The following DNAH12 variants were observed in gnomAD, a reference collection of about 807,000 sequenced individuals.
DNAH12 encodes dynein axonemal heavy chain 12, also known as axonemal beta dynein heavy chain 12.
A neutral mutation model predicts 371.5 loss-of-function variants in DNAH12; 285 were observed. The observed-to-expected ratio is 0.77, with a 90% CI of 0.70 to 0.85. The LOEUF (loss-of-function observed/expected upper bound fraction) is 0.85. DNAH12 is among the 40% of genes least tolerant of loss of function. The pLI, the probability that DNAH12 is intolerant of heterozygous loss-of-function variation, is 0.00. For synonymous variants in DNAH12, 1,200 were observed against 1,213.0 expected (o/e 0.99, Z 0.22); for missense variants, 3,611 against 3,689.4 (o/e 0.98, Z 0.55).
intron 37 of DNAH12, among the ~76,000 whole-genome samples, chr3:57,417,203 T>TTGTGCCGAGCTGAGAC (rs2064405872): frequency 6.6e-6 from 1 of 152,016 alleles, no homozygotes; most frequent in South Asian, 2.1e-4. Flanking sequence ...TGAGCTGAGA[T>TTGTGCCGAGCTGAGAC]TGTGCCATTG....
rs868971454 is a variant in DNAH12, at chr3:57,405,709, G to T, written c.6520C>A (p.His2174Asn). The change falls in exon 41 of 74, where the codon CAT becomes AAT. Residue 2174 changes from histidine to asparagine, a missense_variant. Physicochemically the swap from His to Asn is moderately conservative, Grantham distance 68 (BLOSUM62 1). Around this residue, in one of 3 missense-constraint regions of DNAH12, gnomAD observed 2,266 missense variants for 2,236.9 expected, o/e 1.01. Coordinates refer to ENST00000495027, the MANE Select transcript of DNAH12 (RefSeq NM_001366028.2). ...ATACTGTGAAATGATTCTTTAAAAT[G>T]GTCCTTTATAACAGTTTTAGTTAAC... is the stretch of plus-strand genomic sequence containing the variant. ...FQLTKTVIKDHFKESFHSIFS... is the reference protein window; with the variant it reads ...FQLTKTVIKDNFKESFHSIFS... 5.2e-6 allele frequency: 8 copies of T among 1,551,430 alleles called. No homozygotes were observed. In the African/African-American group the frequency reaches 9.6e-5, roughly 19 times the overall value.
chr3:57,543,315 GTTTTT>G (rs5849214), intron 1 of DNAH12, among the ~76,000 whole-genome samples: 4 of 70,286 alleles, frequency 5.7e-5, no homozygotes, highest in African/African-American at 1.9e-4. Flanking sequence ...ATCATTAATG[GTTTTT>G]TTTTTTTTTT....
chr3:57,433,516 G>GA lies in DNAH12; in HGVS notation c.4840-10dup, dbSNP rs762146564. The GA allele has an allele frequency of 1.1e-5, 17 of 1,538,994 alleles. No individual in the cohort carries two copies. Among genetic ancestry groups the GA allele is most frequent in the Admixed American group, 4.2e-5 (2 of 47,298 alleles). On this transcript the variant is annotated splice_polypyrimidine_tract_variant and intron_variant, in intron 31 of 73. Transcript: ENST00000495027. ...ACAATACCATCAGTCCACTGAGGAG[G>GA]AAAAAAAAGAATTAAAAAGCTCTCC...
intron 60 of DNAH12, among the ~76,000 whole-genome samples, chr3:57,343,393 A>C (rs1374053510): frequency 6.6e-6 from 1 of 152,224 alleles, no homozygotes; most frequent in Non-Finnish European, 1.5e-5. Context: ...ATCAAGGTTT[A>C]AGGGATCCAA....
At chr3:57,484,786 T>A (rs2153384165) in intron 12 of DNAH12, among the ~76,000 whole-genome samples, 1 of 152,232 alleles carries the variant, frequency 6.6e-6, no homozygotes, top group East Asian at 1.9e-4. Context: ...TTGCAAACTC[T>A]GCCTCCAACA....
intron 43 of DNAH12, among the ~76,000 whole-genome samples, chr3:57,395,773 T>C (rs1213102373): frequency 0.8 from 121,840 of 151,502 alleles, 49,220 homozygotes; most frequent in East Asian, 1. Flanking sequence ...AATGAGAGCC[T>C]GTCTCTAAAA....
At chr3:57,460,307 G>A (rs1294222719) in intron 19 of DNAH12, among the ~76,000 whole-genome samples, 1 of 151,894 alleles carries the variant, frequency 6.6e-6, no homozygotes. Flanking sequence ...GAGAAATCCT[G>A]CTCTACTCTA....
intron 58 of DNAH12, among the ~76,000 whole-genome samples, chr3:57,362,231 C>G (rs1015466494): frequency 3.3e-5 from 5 of 152,222 alleles, no homozygotes; most frequent in African/African-American, 4.8e-5. Flanking sequence ...ATTCCATGGT[C>G]TATATGTGCC....
chr3:57,513,587 T>C (rs2068077569), intron 4 of DNAH12, among the ~76,000 whole-genome samples: 1 of 152,190 alleles, frequency 6.6e-6, no homozygotes, highest in East Asian at 1.9e-4. Flanking sequence ...TCACAATTTA[T>C]AAACATTTAG....
intron 72 of DNAH12, 113 bp downstream of exon 72, chr3:57,296,231 T>C: frequency 1.5e-6 from 1 of 656,730 alleles, no homozygotes; most frequent in Non-Finnish European, 2.4e-6. Context: ...GTGAGAGTTC[T>C]GATGTTATTA....
intron 70 of DNAH12, among the ~76,000 whole-genome samples, chr3:57,300,345 A>T (rs914692980): frequency 6.6e-6 from 1 of 152,226 alleles, no homozygotes; most frequent in African/African-American, 2.4e-5. Flanking sequence ...GAAGAGTCCA[A>T]GAGAAAGAAA....
chr3:57,396,842 T>C (rs1207471833), intron 43 of DNAH12, among the ~76,000 whole-genome samples: 4 of 152,144 alleles, frequency 2.6e-5, no homozygotes, highest in East Asian at 1.9e-4. Flanking sequence ...CATGGTGAAA[T>C]CCCGTCTCTA....
chr3:57,382,530 T>C (rs2063415181), intron 49 of DNAH12, 137 bp from the exon 50 acceptor site: 1 of 152,066 alleles, frequency 6.6e-6, no homozygotes, highest in South Asian at 2.1e-4. Flanking sequence ...TTTTTTTCTT[T>C]TTTTACTTCA....
chr3:57,372,602 C>T (rs1031108689), intron 55 of DNAH12, among the ~76,000 whole-genome samples: 16 of 151,892 alleles, frequency 1.1e-4, no homozygotes, highest in African/African-American at 3.4e-4. Flanking sequence ...AAGATATTTA[C>T]GCTATATATA....
At chr3:57,457,147 C>T (rs902686453) in intron 22 of DNAH12, among the ~76,000 whole-genome samples, 1 of 152,140 alleles carries the variant, frequency 6.6e-6, no homozygotes, top group African/African-American at 2.4e-5. Flanking sequence ...ATACCATAGC[C>T]ATAGTGGTAT....
chr3:57,470,710 G>GTA, intron 15 of DNAH12, 74 bp from the exon 16 acceptor site: 1 of 1,205,868 alleles, frequency 8.3e-7, no homozygotes, highest in Non-Finnish European at 1.2e-6. Context: ...ATGATACTGT[G>GTA]TACAATATGT....
intron 59 of DNAH12, among the ~76,000 whole-genome samples, chr3:57,352,961 C>T (rs141564901): frequency 6.6e-6 from 1 of 151,840 alleles, no homozygotes; most frequent in East Asian, 1.9e-4. Flanking sequence ...TGGTGGTACA[C>T]GCCTGTAATC....
intron 4 of DNAH12, among the ~76,000 whole-genome samples, chr3:57,513,274 A>T (rs1231431634): frequency 6.6e-6 from 1 of 152,162 alleles, no homozygotes; most frequent in Non-Finnish European, 1.5e-5. Context: ...GAAATGGAAA[A>T]CCAAACACCG....
At chr3:57,411,521 T>G (rs2064201367) in intron 39 of DNAH12, among the ~76,000 whole-genome samples, 1 of 86,736 alleles carries the variant, frequency 1.2e-5, no homozygotes, top group Admixed American at 1.8e-4. Flanking sequence ...AGTGAGACAC[T>G]GTCTCAAAAA....
Sources: gnomAD v4.1 joint callset for allele counts (sites outside exome capture counted in the v4.1 genomes callset) on GRCh38, gnomAD v4.1.1 for gene constraint, gnomAD v4.1.1 regional missense constraint, MANE v1.5 for transcripts, NCBI Gene and HGNC (gene_info 2026-07-23, HGNC 2026-07-21) for gene names.